The following COL24A1 variants were observed in gnomAD, a reference collection of about 807,000 sequenced individuals.
COL24A1 encodes collagen alpha-1(XXIV) chain.
Under a neutral mutation model 253.9 loss-of-function variants are expected in COL24A1, and 224 were observed. The ratio of observed to expected loss-of-function variants is 0.88; its 90% CI spans 0.79 to 0.99. COL24A1 has a LOEUF of 0.99. COL24A1 is among the 50% of genes least tolerant of loss of function. The pLI, the probability that COL24A1 is intolerant of heterozygous loss-of-function variation, is 0.00. For missense variants in COL24A1, 2,131 were observed against 2,068.5 expected, an observed-to-expected ratio of 1.03 and a Z score of -0.59; for synonymous variants, 685 against 673.7, an observed-to-expected ratio of 1.02 and a Z score of -0.26.
intron 24 of COL24A1, among the ~76,000 whole-genome samples, chr1:85,916,927 T>C (rs768844592): frequency 7.2e-5 from 11 of 152,258 alleles, no homozygotes; most frequent in African/African-American, 2.7e-4. Context: ...TTCACATGTA[T>C]GTACTAGGAG....
At chr1:86,028,819 T>C (rs965765453) in intron 14 of COL24A1, among the ~76,000 whole-genome samples, 1 of 152,192 alleles carries the variant, frequency 6.6e-6, no homozygotes, top group African/African-American at 2.4e-5. Flanking sequence ...AAAGTAGAGA[T>C]AGAGTGTTTC....
chr1:86,076,297 C>T (rs1332678540), intron 7 of COL24A1, among the ~76,000 whole-genome samples: 2 of 152,128 alleles, frequency 1.3e-5, no homozygotes, highest in African/African-American at 4.8e-5. Flanking sequence ...ACAACTGCTA[C>T]AAAGAGAATA....
At chr1:86,138,298 C>T (rs1650555813) in intron 2 of COL24A1, among the ~76,000 whole-genome samples, 1 of 152,110 alleles carries the variant, frequency 6.6e-6, no homozygotes, top group Admixed American at 6.5e-5. Flanking sequence ...TAAAGTATTA[C>T]TGAGGCTGAG....
chr1:85,894,343 G>A (rs77896217), intron 31 of COL24A1, among the ~76,000 whole-genome samples: 1,807 of 152,260 alleles, frequency 0.012, 29 homozygotes, highest in African/African-American at 0.04. Flanking sequence ...ACCAGGGTAA[G>A]GTTACAGAAT....
intron 6 of COL24A1, among the ~76,000 whole-genome samples, chr1:86,089,576 T>C (rs1428636809): frequency 1.3e-5 from 2 of 152,110 alleles, no homozygotes; most frequent in African/African-American, 2.4e-5. Flanking sequence ...TCCTAGCACT[T>C]TGGGAGGCCG....
At chr1:86,109,370 T>A (rs1227831323) in intron 5 of COL24A1, among the ~76,000 whole-genome samples, 2 of 152,196 alleles carry the variant, frequency 1.3e-5, no homozygotes, top group Non-Finnish European at 2.9e-5. Context: ...ATGCTATTAT[T>A]ACCTATTAAT....
intron 43 of COL24A1, among the ~76,000 whole-genome samples, chr1:85,827,074 G>A (rs1674459209): frequency 6.6e-6 from 1 of 151,940 alleles, no homozygotes; most frequent in South Asian, 2.1e-4. Flanking sequence ...GTCATAGATA[G>A]CTCTTATTAT....
intron 24 of COL24A1, among the ~76,000 whole-genome samples, chr1:85,957,535 C>G (rs1249964727): frequency 6.6e-6 from 1 of 152,032 alleles, no homozygotes; most frequent in Admixed American, 6.6e-5. Flanking sequence ...CTGATAAATC[C>G]TAAATAGTTT....
chr1:85,734,783 A>G lies in COL24A1; in HGVS notation c.4964T>C (p.Leu1655Pro), dbSNP rs1337503569. The G allele has an allele frequency of 1.2e-6, 2 of 1,614,222 alleles. No homozygotes were observed. The highest frequency in any genetic ancestry group is 1.7e-5 in the Admixed American group (1 of 60,024). ...WNGQIFKVNT[L>P]LEPKVLSDDC... ...ATCTGAAAGCACTTTAGGTTCAAGTAGAGTGTTTACTTTAAAAATCTGGCC... is the reference window on the plus strand; with the variant it reads ...ATCTGAAAGCACTTTAGGTTCAAGTGGAGTGTTTACTTTAAAAATCTGGCC... Residue 1655 changes from leucine to proline, a missense_variant, in exon 59 of 60, where the codon CTA becomes CCA. Coordinates refer to ENST00000370571, the MANE Select transcript of COL24A1 (RefSeq NM_152890.7).
At chr1:85,905,689 ATGACAAAG>A (rs371892240) in intron 28 of COL24A1, among the ~76,000 whole-genome samples, 1 of 152,206 alleles carries the variant, frequency 6.6e-6, no homozygotes, top group African/African-American at 2.4e-5. Flanking sequence ...GTAGGAATTG[ATGACAAAG>A]TGACAAATCA....
At chr1:85,835,057 A>T (rs1026349838) in intron 43 of COL24A1, among the ~76,000 whole-genome samples, 1 of 152,138 alleles carries the variant, frequency 6.6e-6, no homozygotes, top group African/African-American at 2.4e-5. Context: ...TGTAATATCC[A>T]TGGCCCCTAG....
At chr1:85,890,923 T>C (rs969994650) in intron 31 of COL24A1, among the ~76,000 whole-genome samples, 14 of 152,290 alleles carry the variant, frequency 9.2e-5, no homozygotes, top group African/African-American at 3.1e-4. Context: ...ATGAAGTAGA[T>C]AGAACACTAA....
intron 11 of COL24A1, among the ~76,000 whole-genome samples, 189 bp downstream of exon 11, chr1:86,049,935 A>G (rs1332554258): frequency 6.6e-6 from 1 of 152,122 alleles, no homozygotes; most frequent in Non-Finnish European, 1.5e-5. Context: ...ATCATGCTAT[A>G]TTACTTTCCT....
At chr1:86,005,996 A>G (rs1380507252) in intron 19 of COL24A1, among the ~76,000 whole-genome samples, 15 of 152,198 alleles carry the variant, frequency 9.9e-5, no homozygotes, top group African/African-American at 3.6e-4. Flanking sequence ...ACCAACTAAT[A>G]CTTAGTTATG....
intron 7 of COL24A1, among the ~76,000 whole-genome samples, chr1:86,083,288 G>A (rs943311177): frequency 2.7e-5 from 4 of 149,040 alleles, no homozygotes; most frequent in African/African-American, 4.9e-5. Flanking sequence ...ACAGAGCGAG[G>A]CTCCGTCTCA....
At chr1:86,022,463 T>C (rs1471629965) in intron 17 of COL24A1, 75 bp downstream of exon 17, 4 of 1,388,304 alleles carry the variant, frequency 2.9e-6, no homozygotes, top group African/African-American at 2.9e-5. Context: ...AATACATGGA[T>C]AAAATAATAA....
intron 19 of COL24A1, among the ~76,000 whole-genome samples, chr1:85,998,921 G>A (rs74097650): frequency 0.017 from 2,560 of 152,278 alleles, 80 homozygotes; most frequent in African/African-American, 0.058. Context: ...TTTGCCAAGA[G>A]TAATAAACTA....
chr1:85,917,231 T>C (rs1291277635), intron 24 of COL24A1, among the ~76,000 whole-genome samples: 1 of 152,192 alleles, frequency 6.6e-6, no homozygotes, highest in Non-Finnish European at 1.5e-5. Flanking sequence ...TTAAAACGCA[T>C]ACAATAATCT....
At chr1:86,019,367 G>A (rs574128050) in intron 18 of COL24A1, among the ~76,000 whole-genome samples, 2 of 151,352 alleles carry the variant, frequency 1.3e-5, no homozygotes, top group South Asian at 2.1e-4. Flanking sequence ...ACTAACCTGG[G>A]CAACAAAGCA....
Sources: gnomAD v4.1 joint callset for allele counts (sites outside exome capture counted in the v4.1 genomes callset) on GRCh38, gnomAD v4.1.1 for gene constraint, MANE v1.5 for transcripts, NCBI Gene and HGNC (gene_info 2026-07-23, HGNC 2026-07-21) for gene names.